Variants in ANK2 observed in about 807,000 individuals in gnomAD.
The protein encoded by ANK2 is ankyrin 2.
Under a neutral mutation model 360.5 loss-of-function variants are expected in ANK2, and 83 were observed. That is an observed-to-expected ratio of 0.23 (90% CI 0.19 to 0.28). The LOEUF is 0.28. Ranked by LOEUF, ANK2 falls within the 10% of genes least tolerant of loss-of-function variation. The pLI, the probability that ANK2 is intolerant of heterozygous loss-of-function variation, is 1.00. For missense variants in ANK2, 4,201 were observed against 4,795.7 expected (o/e 0.88, Z 3.66); for synonymous variants, 1,740 against 1,759.5 (o/e 0.99, Z 0.28).
At chr4:113,233,188 G>T (rs2099339971) in intron 5 of ANK2, among the ~76,000 whole-genome samples, 2 of 123,622 alleles carry the variant, frequency 1.6e-5, no homozygotes, top group African/African-American at 6.2e-5. Flanking sequence ...AGGCTGGAGT[G>T]CAGTGGCGGG....
At chr4:113,022,862 A>C (rs934419937) in intron 2 of ANK2, among the ~76,000 whole-genome samples, 2 of 152,228 alleles carry the variant, frequency 1.3e-5, no homozygotes, top group Non-Finnish European at 2.9e-5. Context: ...AATACAATGA[A>C]GTTACAGCAA....
the ANK2 span, among the ~76,000 whole-genome samples, chr4:112,728,648 A>C: frequency 6.6e-6 from 1 of 152,106 alleles, no homozygotes; most frequent in Non-Finnish European, 1.5e-5. Context: ...GCTACTCTGA[A>C]GGTTGAGGTG....
chr4:113,279,377 C>G (rs768901495), intron 17 of ANK2, among the ~76,000 whole-genome samples: 2 of 152,138 alleles, frequency 1.3e-5, no homozygotes, highest in East Asian at 3.9e-4. Flanking sequence ...CTCATAATAA[C>G]CCCATGAGAC....
the ANK2 span, among the ~76,000 whole-genome samples, chr4:112,776,994 A>T: frequency 2.0e-5 from 3 of 152,196 alleles, no homozygotes; most frequent in African/African-American, 7.2e-5. Context: ...ATCTCCTATT[A>T]GTTGTTTCTA....
chr4:113,121,355 G>A, intron 1 of ANK2, among the ~76,000 whole-genome samples: 1 of 152,126 alleles, frequency 6.6e-6, no homozygotes, highest in Non-Finnish European at 1.5e-5. Context: ...CCTACACTGG[G>A]TGTAGATTAT....
Position 113,355,568 on chromosome 4 carries a change from A to G in ANK2, c.6950A>G (p.Lys2317Arg). Reference protein sequence around the residue: ...FQKEATLGSPKDTSPKRQDDC... With the variant: ...FQKEATLGSPRDTSPKRQDDC... ...AAAGAGGCCACTCTAGGCTCTCCCA[A>G]AGACACAAGCCCTAAAAGACAAGAT... Residue 2317 changes from lysine (K) to arginine (R), a missense_variant, in exon 38 of 46, where the codon AAA (lysine) becomes AGA (arginine). Lys to Arg is a conservative substitution (Grantham distance 26). Transcript: ENST00000357077. 1 of 1,614,082 alleles carries G rather than the reference A, an allele frequency of 6.2e-7. No homozygotes were observed. Among genetic ancestry groups the G allele is most frequent in the Non-Finnish European group, 8.5e-7 (1 of 1,179,964 alleles).
intron 2 of ANK2, among the ~76,000 whole-genome samples, chr4:112,919,190 A>G (rs940829178): frequency 1.3e-5 from 2 of 152,292 alleles, no homozygotes; most frequent in African/African-American, 4.8e-5. Flanking sequence ...CTTTTGTATT[A>G]GATGGATTTA....
intron 1 of ANK2, among the ~76,000 whole-genome samples, chr4:113,142,167 T>TAGTA (rs1289626557): frequency 1.3e-5 from 2 of 152,228 alleles, no homozygotes; most frequent in Admixed American, 1.3e-4. Flanking sequence ...GACTGTCTAC[T>TAGTA]GGCAGATTAT....
intron 1 of ANK2, among the ~76,000 whole-genome samples, chr4:113,129,131 C>G (rs962605824): frequency 2.0e-5 from 3 of 151,898 alleles, no homozygotes; most frequent in Non-Finnish European, 4.4e-5. Context: ...AAAGAAATAG[C>G]CCGGGGTCTT....
At chr4:113,299,380 A>C (rs1375432189) in intron 22 of ANK2, among the ~76,000 whole-genome samples, 2 of 152,230 alleles carry the variant, frequency 1.3e-5, no homozygotes, top group African/African-American at 4.8e-5. Context: ...AATATAGTAG[A>C]CATCCTTTCA....
intron 2 of ANK2, among the ~76,000 whole-genome samples, chr4:113,027,898 G>A (rs1415968323): frequency 1.3e-5 from 2 of 152,000 alleles, no homozygotes; most frequent in African/African-American, 4.8e-5. Context: ...ACACTATCAG[G>A]TTATGTAACA....
At chr4:112,749,147 G>A in the ANK2 span, among the ~76,000 whole-genome samples, 12 of 152,220 alleles carry the variant, frequency 7.9e-5, no homozygotes, top group African/African-American at 2.2e-4. Context: ...TGATCCACCC[G>A]CCTCGGCCTC....
At chr4:113,317,439 G>T in intron 24 of ANK2, 1 of 468,006 alleles carries the variant, frequency 2.1e-6, no homozygotes, top group Non-Finnish European at 3.9e-6. Context: ...AAACATTTCT[G>T]GGAAGAAAAT....
chr4:113,231,863 G>T lies in ANK2; in HGVS notation c.385-298G>T, dbSNP rs1585482910. On this transcript the variant is annotated intron_variant, in intron 4 of 45. Coordinates refer to ENST00000357077, the MANE Select transcript of ANK2 (RefSeq NM_001148.6). ...GATCCACCCGCCTCAGACTCCCAAA[G>T]TTCTGGGATTACAGGCATGAGCCAC... is the stretch of plus-strand genomic sequence containing the variant. Among the ~76,000 whole-genome samples the T allele has an allele frequency of 2.0e-5, 3 of 152,248 alleles. No individual in the cohort carries two copies. In the South Asian group the frequency reaches 6.2e-4, roughly 32 times the overall value.
chr4:112,819,668 C>T (rs976424442), intron 1 of ANK2, among the ~76,000 whole-genome samples: 1 of 152,148 alleles, frequency 6.6e-6, no homozygotes, highest in African/African-American at 2.4e-5. Flanking sequence ...AGCACAGAGA[C>T]AGTTCTAATT....
chr4:112,820,521 T>C (rs1314592939), intron 1 of ANK2, among the ~76,000 whole-genome samples: 2 of 152,278 alleles, frequency 1.3e-5, no homozygotes, highest in East Asian at 1.9e-4. Flanking sequence ...TTTAAAATGC[T>C]GTGTAATTAT....
In ANK2 at chr4:113,144,421, A is replaced by T. The variant is rs538338129; in HGVS notation, c.85-29995A>T. 3.8e-4 allele frequency among the ~76,000 whole-genome samples: 58 copies of T among 151,768 alleles called. 1 individual carries two copies. The highest frequency in any genetic ancestry group is 1.4e-3 in the South Asian group (7 of 4,828). ...AGGAATGTTATTTTTAATTTTTTTA[A>T]AAAAAATAATGGCAAATGGTTTTTA... On this transcript the variant is annotated intron_variant, in intron 1 of 45. Coordinates refer to ENST00000357077, the MANE Select transcript of ANK2 (RefSeq NM_001148.6).
In ANK2 at chr4:113,305,339, CA is replaced by C. The variant is rs10667489; in HGVS notation, c.2548+2520del. On this transcript the variant is annotated intron_variant, in intron 23 of 45. Coordinates refer to ENST00000357077, the MANE Select transcript of ANK2 (RefSeq NM_001148.6). ...TGGGCGACAGAGCGAGACTCCGTCT[CA>C]AAAAAAAAAAAAAAAAAAATAGCCT... 4.7e-3 allele frequency among the ~76,000 whole-genome samples: 460 copies of C among 96,966 alleles called. 1 individual carries two copies. The highest frequency in any genetic ancestry group is 6.2e-3 in the Non-Finnish European group (318 of 51,616). 63.6% of individuals were successfully genotyped at this position (96,966 alleles called of 152,430 possible).
At chr4:113,105,538 G>A (rs1473979721) in intron 1 of ANK2, among the ~76,000 whole-genome samples, 1 of 152,162 alleles carries the variant, frequency 6.6e-6, no homozygotes, top group Non-Finnish European at 1.5e-5. Context: ...ATTGATCCAA[G>A]ATTATAAGAA....
Sources: allele counts gnomAD v4.1 joint callset (sites outside exome capture counted in the v4.1 genomes callset), GRCh38; gene constraint gnomAD v4.1.1; transcripts MANE v1.5; gene names NCBI Gene and HGNC (gene_info 2026-07-23, HGNC 2026-07-21).